BSN: variants seen among roughly 807,000 people sequenced by gnomAD.
BSN encodes protein bassoon.
Under a neutral mutation model 264.8 loss-of-function variants are expected in BSN, and 57 were observed. The observed-to-expected ratio is 0.22, with a 90% confidence interval of 0.17 to 0.27. The LOEUF is 0.27. BSN is among the 10% of genes least tolerant of loss of function. The pLI is 1.00. For synonymous variants in BSN, 2,059 were observed against 2,137.3 expected, an observed-to-expected ratio of 0.96 and a Z score of 1.01; for missense variants, 4,615 against 5,232.5, an observed-to-expected ratio of 0.88 and a Z score of 3.64.
Position 49,658,305 on chromosome 3 carries a change from C to T in BSN, c.8640+109C>T. Reference sequence around the variant, plus strand: ...GGTGGGAGTAGAGGCATCTCTGGCCCCAGAGGCCCAGGGGAAAGAGTCAAT... The same window carrying T: ...GGTGGGAGTAGAGGCATCTCTGGCCTCAGAGGCCCAGGGGAAAGAGTCAAT... On this transcript the variant is annotated intron_variant, in intron 5 of 11. Transcript: ENST00000296452. The T allele has an allele frequency of 2.3e-6, 3 of 1,299,626 alleles. 1 individual carries two copies. In the South Asian group the frequency reaches 5.1e-5, roughly 22 times the overall value. 80.5% of individuals were successfully genotyped at this position (1,299,626 alleles called of 1,614,324 possible).
chr3:49,605,618 TA>T (rs1283289381), intron 1 of BSN, among the ~76,000 whole-genome samples: 1 of 14,302 alleles, frequency 7.0e-5, no homozygotes, highest in African/African-American at 2.4e-4. Context: ...ATATTATATA[TA>T]AATATAATAT....
rs373496758 is a variant in BSN at position 49,650,692 on chromosome 3, G to A, written c.1599G>A (p.Pro533=). The stretch of plus-strand genomic sequence containing the variant: ...TAGGAGAGCCGACCCCCCTGCCGCC[G>A]CCCACCTCACAGCAGCCCCCTGTAG... ...GSLGEPTPLP[P]PTSQQPPVGA... Residue 533 remains proline (P), a synonymous_variant, in exon 4 of 12, where the codon CCG becomes CCA. Transcript: ENST00000296452. 1.9e-5 allele frequency: 30 copies of A among 1,609,926 alleles called. No individual in the cohort carries two copies. Among genetic ancestry groups the A allele is most frequent in the South Asian group, 8.8e-5 (8 of 90,830 alleles).
chr3:49,625,126 C>A lies in BSN; in HGVS notation c.376C>A (p.Arg126Ser). 6.3e-7 allele frequency: 1 copy of A among 1,598,232 alleles called. No individual in the cohort carries two copies. Among genetic ancestry groups the A allele is most frequent in the Non-Finnish European group, 8.5e-7 (1 of 1,172,146 alleles). ...GPAGQEADGP[R>S]RTLQVDSRTQ... ...AGCAGGCCAGGAGGCTGATGGTCCC[C>A]GCAGGACGCTGCAGGTAGACAGCAG... Residue 126 changes from arginine to serine, a missense_variant, in exon 2 of 12, where the codon CGC (arginine) becomes AGC (serine). Physicochemically the swap from Arg to Ser is moderately radical, Grantham distance 110 (BLOSUM62 -1). This residue lies in a region of BSN where 1,197 missense variants were observed against 1,348.0 expected (regional missense o/e 0.89). Coordinates refer to ENST00000296452, the MANE Select transcript of BSN (RefSeq NM_003458.4). The surrounding 1 kb of genome is among the most constrained non-coding windows in gnomAD (Gnocchi z 4.4).
intron 1 of BSN, among the ~76,000 whole-genome samples, chr3:49,582,241 C>T (rs193280046): frequency 1.3e-5 from 2 of 152,150 alleles, no homozygotes; most frequent in East Asian, 3.9e-4. Flanking sequence ...TTGCATTTTT[C>T]TAATCAATGG....
chr3:49,636,315 G>A (rs2052419815), intron 2 of BSN, among the ~76,000 whole-genome samples: 1 of 152,074 alleles, frequency 6.6e-6, no homozygotes, highest in South Asian at 2.1e-4. Context: ...AGGGTCCTGG[G>A]GATTTTAAGG....
chr3:49,655,722 C>A lies in BSN; in HGVS notation c.6166C>A (p.Leu2056Ile), dbSNP rs559469704. The A allele has an allele frequency of 1.2e-5, 20 of 1,613,530 alleles. No individual in the cohort carries two copies. The African/African-American group carries it at 2.5e-4, about 20-fold the overall frequency. The stretch of plus-strand genomic sequence containing the variant: ...TCCTACAGACCTTTTGGCTCACCCG[C>A]TTCCCATGCGGCGCTATAGCTCAGT... ...RHPTDLLAHP[L>I]PMRRYSSVSN... Residue 2056 changes from leucine (L) to isoleucine (I), a missense_variant, in exon 5 of 12, where the codon CTT becomes ATT. Leu to Ile is a conservative substitution (Grantham distance 5). Transcript: ENST00000296452.
chr3:49,652,053 C>G lies in BSN; in HGVS notation c.2497C>G (p.Arg833Gly). The G allele has an allele frequency of 1.2e-6, 2 of 1,609,336 alleles. No homozygotes were observed. Among genetic ancestry groups the G allele is most frequent in the Non-Finnish European group, 1.7e-6 (2 of 1,176,748 alleles). The change falls in exon 5 of 12, where the codon CGG becomes GGG. Residue 833 changes from arginine to glycine, a missense_variant. Physicochemically the swap from Arg to Gly is moderately radical, Grantham distance 125. Around this residue, in one of 3 missense-constraint regions of BSN, gnomAD observed 1,197 missense variants for 1,348.0 expected, o/e 0.89. Coordinates refer to ENST00000296452, the MANE Select transcript of BSN (RefSeq NM_003458.4). The part of the protein sequence containing the change: ...LSPLPPQPPA[R>G]AAELTDEDFM... ...CCCTCTTCCACCCCAGCCCCCAGCC[C>G]GGGCAGCAGAACTGACTGATGAGGA...
chr3:49,629,378 T>C (rs2052368053), intron 2 of BSN, among the ~76,000 whole-genome samples: 1 of 151,454 alleles, frequency 6.6e-6, no homozygotes, highest in African/African-American at 2.4e-5. Context: ...CAGTTGGGGG[T>C]GGGAGGGAGA....
intron 11 of BSN, among the ~76,000 whole-genome samples, chr3:49,666,299 C>G (rs971510796): frequency 6.6e-6 from 1 of 152,158 alleles, no homozygotes; most frequent in South Asian, 2.1e-4. Flanking sequence ...TGATACCTCA[C>G]AGGCTACCTT....
intron 9 of BSN, 41 bp downstream of exon 9, chr3:49,664,595 C>A (rs1575453899): frequency 6.4e-7 from 1 of 1,558,896 alleles, no homozygotes; most frequent in Non-Finnish European, 8.7e-7. Context: ...GGTGGCTACT[C>A]TGGTACAGGC....
chr3:49,583,979 T>C (rs536180938), intron 1 of BSN, among the ~76,000 whole-genome samples: 110 of 152,278 alleles, frequency 7.2e-4, no homozygotes, highest in African/African-American at 2.5e-3. Context: ...GTTCACTCCA[T>C]TCTCCTGCCT....
At chr3:49,582,105 C>T (rs2051899431) in intron 1 of BSN, among the ~76,000 whole-genome samples, 1 of 152,158 alleles carries the variant, frequency 6.6e-6, no homozygotes, top group Non-Finnish European at 1.5e-5. Flanking sequence ...TTTACATTTC[C>T]ACCATCATTG....
At chr3:49,610,505 A>G (rs1360943286) in intron 1 of BSN, among the ~76,000 whole-genome samples, 2 of 135,198 alleles carry the variant, frequency 1.5e-5, no homozygotes, top group Admixed American at 1.8e-4. Context: ...AATTGCTTGA[A>G]CCTGGGAGGT....
chr3:49,600,649 A>AAAT (rs2052066720), intron 1 of BSN, among the ~76,000 whole-genome samples: 1 of 136,034 alleles, frequency 7.4e-6, no homozygotes. Context: ...ATAAAAATAA[A>AAAT]AAAAATTAGT....
At chr3:49,666,267 G>A (rs2052713457) in intron 11 of BSN, among the ~76,000 whole-genome samples, 1 of 152,242 alleles carries the variant, frequency 6.6e-6, no homozygotes, top group East Asian at 1.9e-4. Flanking sequence ...AGCACTGGTT[G>A]TGGGAGGGAA....
Position 49,651,085 on chromosome 3 carries a change from T to C in BSN, c.1986+6T>C. The C allele has an allele frequency of 6.3e-7, 1 of 1,597,238 alleles. No individual in the cohort carries two copies. The highest frequency in any genetic ancestry group is 1.1e-5 in the South Asian group (1 of 89,314). ...CCAAGGGTGGGGAGGCGGAGGTCAG[T>C]CCCATTCACTTCCCAGAGACCCTAG... On this transcript the variant is annotated splice_donor_region_variant and intron_variant, in intron 4 of 11. Transcript: ENST00000296452. The surrounding 1 kb of genome is among the most constrained non-coding windows in gnomAD (Gnocchi z 5.4).
intron 1 of BSN, among the ~76,000 whole-genome samples, chr3:49,558,344 A>G (rs1358970600): frequency 1.3e-5 from 2 of 152,250 alleles, no homozygotes. Context: ...ATCATTGCCC[A>G]TCAGAATGCG....
intron 1 of BSN, 54 bp from the exon 2 acceptor site, chr3:49,624,921 G>C: frequency 6.9e-7 from 1 of 1,457,828 alleles, no homozygotes; most frequent in South Asian, 1.5e-5. Context: ...AGAGACCTCC[G>C]CAAGCTGCTT....
At chr3:49,575,203 A>C (rs1028485650) in intron 1 of BSN, among the ~76,000 whole-genome samples, 1 of 151,462 alleles carries the variant, frequency 6.6e-6, no homozygotes, top group African/African-American at 2.4e-5. Context: ...AAAATACAAA[A>C]ATTAGCCGGG....
Sources: gnomAD v4.1 joint callset for allele counts (sites outside exome capture counted in the v4.1 genomes callset) on GRCh38, gnomAD v4.1.1 for gene constraint, gnomAD v4.1.1 regional missense constraint, Gnocchi (gnomAD v3.1) non-coding constraint, MANE v1.5 for transcripts, NCBI Gene and HGNC (gene_info 2026-07-23, HGNC 2026-07-21) for gene names.